PIRT: variants seen among roughly 807,000 people sequenced by gnomAD.
PIRT encodes the protein phosphoinositide interacting regulator of transient receptor potential channels.
A neutral mutation model predicts 7.9 loss-of-function variants in PIRT; 6 were observed. The ratio of observed to expected loss-of-function variants is 0.76; its 90% confidence interval spans 0.42 to 1.51. The LOEUF (loss-of-function observed/expected upper bound fraction) is 1.51, where lower values mean the gene tolerates loss of function less well. PIRT is among the 40% of genes most tolerant of loss of function. PIRT has a pLI of 0.01. For missense variants in PIRT, 170 were observed against 172.9 expected (o/e 0.98, Z 0.09); for synonymous variants, 78 against 71.8 (o/e 1.09, Z -0.44).
At chr17:10,835,889 G>A (rs1047965001) in intron 1 of PIRT, among the ~76,000 whole-genome samples, 4 of 151,518 alleles carry the variant, frequency 2.6e-5, no homozygotes, top group African/African-American at 9.7e-5. Context: ...AGAGCTGCCA[G>A]CCTCCAAATC....
chr17:10,827,841 C>G (rs1905370618), intron 1 of PIRT, among the ~76,000 whole-genome samples: 2 of 152,116 alleles, frequency 1.3e-5, no homozygotes, highest in Non-Finnish European at 2.9e-5. Context: ...ATATTTACAA[C>G]AAGATAATAA....
intron 1 of PIRT, among the ~76,000 whole-genome samples, chr17:10,833,614 T>G (rs945212405): frequency 1.3e-5 from 2 of 151,858 alleles, no homozygotes; most frequent in Non-Finnish European, 2.9e-5. Flanking sequence ...ATCAGCTGGG[T>G]GTGGTGGTGC....
chr17:10,831,550 G>C (rs566709545), intron 1 of PIRT, among the ~76,000 whole-genome samples: 1 of 152,112 alleles, frequency 6.6e-6, no homozygotes, highest in African/African-American at 2.4e-5. Flanking sequence ...AGGGTTGCTC[G>C]AGGCTGGGAG....
At chr17:10,833,972 A>G (rs1905524126) in intron 1 of PIRT, among the ~76,000 whole-genome samples, 1 of 152,182 alleles carries the variant, frequency 6.6e-6, no homozygotes, top group Admixed American at 6.5e-5. Flanking sequence ...AAATCTCACA[A>G]TACCGTAGGT....
chr17:10,826,257 C>G (rs1176151465), intron 1 of PIRT, among the ~76,000 whole-genome samples: 1 of 152,240 alleles, frequency 6.6e-6, no homozygotes, highest in African/African-American at 2.4e-5. Flanking sequence ...AGCCACCGCA[C>G]CCGGCCAGCT....
intron 1 of PIRT, among the ~76,000 whole-genome samples, chr17:10,837,608 C>T (rs1905622836): frequency 6.6e-6 from 1 of 152,204 alleles, no homozygotes; most frequent in African/African-American, 2.4e-5. Flanking sequence ...AGTCCCTGCC[C>T]AGCCCTTCCC....
At position 10,825,034 on chromosome 17, in the gene PIRT, T is replaced by C. The variant is rs1905278468; in HGVS notation, c.*198A>G. On this transcript the variant is annotated 3_prime_UTR_variant, in exon 2 of 2. Coordinates refer to ENST00000580256, the MANE Select transcript of PIRT (RefSeq NM_001101387.2). ...GGATCCAAGGAAGCATCAGTCAGAA[T>C]AGAGATCAAGTGGATACATCTGGCA... 1.9e-5 allele frequency: 13 copies of C among 692,716 alleles called. No homozygotes were observed. The South Asian group carries it at 2.0e-4, about 11-fold the overall frequency. The allele number at this position is 692,716 out of a possible 1,614,324, so 42.9% of individuals were successfully genotyped here. A position where few individuals can be genotyped will look rare whatever the true frequency, so the allele number is the denominator to read the frequency against.
chr17:10,833,404 C>A (rs1905508792), intron 1 of PIRT, among the ~76,000 whole-genome samples: 1 of 152,030 alleles, frequency 6.6e-6, no homozygotes, highest in Non-Finnish European at 1.5e-5. Flanking sequence ...TTAGATGACA[C>A]CATGAAGGAA....
chr17:10,830,849 C>T (rs1259505725), intron 1 of PIRT, among the ~76,000 whole-genome samples: 1 of 152,130 alleles, frequency 6.6e-6, no homozygotes, highest in Non-Finnish European at 1.5e-5. Flanking sequence ...ATTGCTGTGG[C>T]AGACTATAGG....
chr17:10,827,465 C>CTTTTTTTTTTTTTTTTTTTTTT lies in PIRT; in HGVS notation c.-138-1704_-138-1683dup, dbSNP rs546105685. ...TCTTTCTTTTCTTTCTTTTTCTTTTCTTTTTTTTTTTTTTTTTTTTTTTTT... is the reference window on the plus strand; with the variant it reads ...TCTTTCTTTTCTTTCTTTTTCTTTTCTTTTTTTTTTTTTTTTTTTTTTTTTTTTTTTTTTTTTTTTTTTTTTT... On this transcript the variant is annotated intron_variant, in intron 1 of 1. Coordinates refer to ENST00000580256, the MANE Select transcript of PIRT (RefSeq NM_001101387.2). 2.6e-3 allele frequency among the ~76,000 whole-genome samples: 148 copies of CTTTTTTTTTTTTTTTTTTTTTT among 56,292 alleles called. 18 individuals are homozygous for CTTTTTTTTTTTTTTTTTTTTTT. Among genetic ancestry groups the CTTTTTTTTTTTTTTTTTTTTTT allele is most frequent in the Middle Eastern group, 0.016 (1 of 64 alleles). 36.9% of individuals were successfully genotyped at this position (56,292 alleles called of 152,430 possible). A position where few individuals can be genotyped will look rare whatever the true frequency, so the allele number is the denominator to read the frequency against.
intron 1 of PIRT, among the ~76,000 whole-genome samples, chr17:10,835,603 C>G (rs1905568950): frequency 1.3e-5 from 2 of 152,202 alleles, no homozygotes; most frequent in Admixed American, 6.5e-5. Flanking sequence ...ACATAGTGAA[C>G]AGAACTGCAG....
chr17:10,832,562 G>T (rs1221688311), intron 1 of PIRT, among the ~76,000 whole-genome samples: 1 of 152,198 alleles, frequency 6.6e-6, no homozygotes, highest in Non-Finnish European at 1.5e-5. Flanking sequence ...CTTGAGTTGT[G>T]ACCGTTTTTG....
Position 10,825,659 on chromosome 17 carries a change from T to C in PIRT, c.-14A>G. The C allele has an allele frequency of 6.9e-7, 1 of 1,459,640 alleles. No homozygotes were observed. Among genetic ancestry groups the C allele is most frequent in the Non-Finnish European group, 9.1e-7 (1 of 1,104,034 alleles). The allele number at this position is 1,459,640 out of a possible 1,614,324, so 90.4% of individuals were successfully genotyped here. On this transcript the variant is annotated 5_prime_UTR_variant, in exon 2 of 2. Transcript: ENST00000580256. ...CTCCATCGTCATGGTTGCTCAGGACTGGGCGCCTAGGACCAGCAATAGTTG... is the reference window on the plus strand; with the variant it reads ...CTCCATCGTCATGGTTGCTCAGGACCGGGCGCCTAGGACCAGCAATAGTTG...
rs549608739 is a variant in PIRT at position 10,827,140 on chromosome 17, C to T, written c.-138-1357G>A. On this transcript the variant is annotated intron_variant, in intron 1 of 1. Transcript: ENST00000580256. Reference sequence around the variant, plus strand: ...ACAGTGCAACCTTCTAAGATCTAAACGCCACCCTTCCCTACCCTCCATGTT... The same window carrying T: ...ACAGTGCAACCTTCTAAGATCTAAATGCCACCCTTCCCTACCCTCCATGTT... 3.4e-3 allele frequency among the ~76,000 whole-genome samples: 525 copies of T among 152,236 alleles called. 1 individual carries two copies. The highest frequency in any genetic ancestry group is 0.012 in the African/African-American group (478 of 41,564).
Position 10,825,459 on chromosome 17 carries a change from C to T in PIRT, c.187G>A (p.Gly63Ser), listed in dbSNP as rs868726961. 8.7e-6 allele frequency: 14 copies of T among 1,613,770 alleles called. No individual in the cohort carries two copies. The highest frequency in any genetic ancestry group is 1.6e-4 in the Middle Eastern group (1 of 6,082). ...ACCACGCCGAAAAGCAGGATGGCACCGCCCACTGACATGATAACGATGGGC... is the reference window on the plus strand; with the variant it reads ...ACCACGCCGAAAAGCAGGATGGCACTGCCCACTGACATGATAACGATGGGC... ...RKPIVIMSVG[G>S]AILLFGVVIT... The change falls in exon 2 of 2, where the codon GGT becomes AGT. Residue 63 changes from glycine (G) to serine (S), a missense_variant. Transcript: ENST00000580256.
chr17:10,823,280 G>A lies in PIRT; in HGVS notation c.*1952C>T, dbSNP rs530612861. The A allele has an allele frequency of 6.2e-4, 94 of 152,368 alleles. 1 individual carries two copies. The highest frequency in any genetic ancestry group is 2.1e-3 in the African/African-American group (87 of 41,592). 9.4% of individuals were successfully genotyped at this position (152,368 alleles called of 1,614,324 possible). A position where few individuals can be genotyped will look rare whatever the true frequency, so the allele number is the denominator to read the frequency against. On this transcript the variant is annotated 3_prime_UTR_variant, in exon 2 of 2. Transcript: ENST00000580256. ...TGACCACCTGTGTGCAGGGCTAGAG[G>A]TGAGCTAGAGACATGGCCACACTGG...
At position 10,825,169 on chromosome 17, in the gene PIRT, T is replaced by A; in HGVS notation, c.*63A>T. On this transcript the variant is annotated 3_prime_UTR_variant, in exon 2 of 2. Coordinates refer to ENST00000580256, the MANE Select transcript of PIRT (RefSeq NM_001101387.2). ...TGGCACCCCACAGAGGAGACAGGGATGTCGGATGTTGGTCATCAGATCTTC... is the reference window on the plus strand; with the variant it reads ...TGGCACCCCACAGAGGAGACAGGGAAGTCGGATGTTGGTCATCAGATCTTC... 2 of 1,556,886 alleles carry A rather than the reference T, an allele frequency of 1.3e-6. No individual in the cohort carries two copies. The highest frequency in any genetic ancestry group is 8.7e-7 in the Non-Finnish European group (1 of 1,143,548).
rs1406840010 is a variant in PIRT at position 10,823,392 on chromosome 17, G to A, written c.*1840C>T. 6.6e-6 allele frequency: 1 copy of A among 152,332 alleles called. No homozygotes were observed. The highest frequency in any genetic ancestry group is 1.5e-5 in the Non-Finnish European group (1 of 68,084). The allele number at this position is 152,332 out of a possible 1,614,324, so 9.4% of individuals were successfully genotyped here. ...AACTCTGACTCCGTGGGTGGGTCAG[G>A]TAGGGGTGGTCCCCATGACACAAGT... On this transcript the variant is annotated 3_prime_UTR_variant, in exon 2 of 2. Coordinates refer to ENST00000580256, the MANE Select transcript of PIRT (RefSeq NM_001101387.2).
chr17:10,828,565 A>G (rs904730579), intron 1 of PIRT, among the ~76,000 whole-genome samples: 4 of 152,322 alleles, frequency 2.6e-5, no homozygotes, highest in East Asian at 1.9e-4. Context: ...CCTGGTCACC[A>G]TGAAACCTTG....
Sources: allele counts gnomAD v4.1 joint callset (sites outside exome capture counted in the v4.1 genomes callset), GRCh38; gene constraint gnomAD v4.1.1; transcripts MANE v1.5; gene names NCBI Gene and HGNC (gene_info 2026-07-23, HGNC 2026-07-21).